IFT88: variants seen among roughly 807,000 people sequenced by gnomAD.
The protein encoded by IFT88 is intraflagellar transport protein 88 homolog.
IFT88 carries 74 observed loss-of-function variants against 119.5 expected under a neutral mutation model. That is an observed-to-expected ratio of 0.62 (90% CI 0.51 to 0.75). IFT88 has a LOEUF of 0.75. IFT88 is among the 30% of genes least tolerant of loss of function. The probability of loss-of-function intolerance (pLI) is 0.00; values close to 1 mark genes in which losing one functional copy is unlikely to be tolerated. For missense variants in IFT88, 961 were observed against 977.7 expected, an observed-to-expected ratio of 0.98 and a Z score of 0.23; for synonymous variants, 279 against 316.7, an observed-to-expected ratio of 0.88 and a Z score of 1.26.
intron 7 of IFT88, among the ~76,000 whole-genome samples, chr13:20,593,399 A>C (rs977284181): frequency 6.6e-6 from 1 of 152,038 alleles, no homozygotes; most frequent in Non-Finnish European, 1.5e-5. Context: ...AGGCTAGTAA[A>C]TGACAAGGCT....
chr13:20,689,061 G>A (rs913945358), intron 24 of IFT88, among the ~76,000 whole-genome samples: 1 of 152,156 alleles, frequency 6.6e-6, no homozygotes, highest in East Asian at 1.9e-4. Context: ...AGCCTCCTGA[G>A]TAGCTGGGAT....
chr13:20,688,024 G>A (rs1390938790), intron 24 of IFT88, among the ~76,000 whole-genome samples: 1 of 152,178 alleles, frequency 6.6e-6, no homozygotes, highest in Non-Finnish European at 1.5e-5. Flanking sequence ...GCAATACTCT[G>A]AGTAGGCCAA....
chr13:20,625,835 A>G lies in IFT88; in HGVS notation c.1285A>G (p.Lys429Glu), dbSNP rs1396877480. The change falls in exon 15 of 26, where the codon AAA becomes GAA. Residue 429 changes from lysine to glutamate, a missense_variant. Physicochemically the swap from Lys to Glu is moderately conservative, Grantham distance 56. Coordinates refer to ENST00000351808, the MANE Select transcript of IFT88 (RefSeq NM_006531.5). The part of the protein sequence containing the change: ...INKAVTYLRQ[K>E]DYNQAVEILK... Reference sequence around the variant, plus strand: ...CAAAGCAGTTACATACTTGAGACAAAAAGACTATAACCAAGTAAGTTTTAA... The same window carrying G: ...CAAAGCAGTTACATACTTGAGACAAGAAGACTATAACCAAGTAAGTTTTAA... 6.3e-7 allele frequency: 1 copy of G among 1,591,308 alleles called. No homozygotes were observed.
At chr13:20,682,118 C>T (rs992310812) in intron 24 of IFT88, among the ~76,000 whole-genome samples, 48 of 152,154 alleles carry the variant, frequency 3.2e-4, no homozygotes, top group African/African-American at 1.1e-3. Flanking sequence ...ATAATTTTTC[C>T]AGGGTCATAT....
chr13:20,607,232 C>G, intron 13 of IFT88: 1 of 402,354 alleles, frequency 2.5e-6, no homozygotes, highest in Non-Finnish European at 5.0e-6. Context: ...CGGGCCCAGT[C>G]TGCATTCGTC....
intron 18 of IFT88, 81 bp from the exon 19 acceptor site, chr13:20,643,374 T>C (rs2050253137): frequency 1.9e-6 from 2 of 1,061,574 alleles, no homozygotes; most frequent in East Asian, 2.4e-5. Context: ...CTAAGAAATA[T>C]TGTTACTGTA....
intron 9 of IFT88, among the ~76,000 whole-genome samples, chr13:20,597,838 C>A (rs2042005231): frequency 6.6e-6 from 1 of 151,450 alleles, no homozygotes. Context: ...TTGAAGAGCA[C>A]TAATTTTAAT....
In IFT88 at chr13:20,638,438, GTGATT is replaced by G; in HGVS notation, c.1494_1498del (p.Asp499Ter). 1 of 1,530,172 alleles carries G rather than the reference GTGATT, an allele frequency of 6.5e-7. No individual in the cohort carries two copies. Among genetic ancestry groups the G allele is most frequent in the Non-Finnish European group, 8.7e-7 (1 of 1,144,478 alleles). 94.8% of individuals were successfully genotyped at this position (1,530,172 alleles called of 1,614,324 possible). ...AAAGGGAATACAGTTTTTGCAAATG[GTGATT>G]ATGAGAAGGCCGCTGAATTCTATAA... On this transcript the variant is annotated frameshift_variant, in exon 17 of 26. Transcript: ENST00000351808. LOFTEE classifies it high-confidence loss of function.
chr13:20,568,407 A>G (rs2035425998), intron 1 of IFT88, among the ~76,000 whole-genome samples: 1 of 152,198 alleles, frequency 6.6e-6, no homozygotes, highest in African/African-American at 2.4e-5. Context: ...ACATCTTTTA[A>G]TATTTGTATG....
At chr13:20,677,676 C>T (rs2056845138) in intron 24 of IFT88, among the ~76,000 whole-genome samples, 1 of 152,186 alleles carries the variant, frequency 6.6e-6, no homozygotes. Context: ...CAAATACTTC[C>T]TCATACTTAA....
In IFT88 at chr13:20,638,343, T is replaced by A. The variant is rs752567355; in HGVS notation, c.1398T>A (p.Phe466Leu). ...TGTATTTTACTTAGGGAAAGGATTT[T>A]GCACAAGCCAGCAGCTATGCAGATA... Reference protein sequence around the residue: ...LSALYYMGKDFAQASSYADIA... With the variant: ...LSALYYMGKDLAQASSYADIA... The change falls in exon 17 of 26, where the codon TTT becomes TTA. Residue 466 changes from phenylalanine to leucine, a missense_variant. Phe to Leu is a conservative substitution (Grantham distance 22, BLOSUM62 0). Transcript: ENST00000351808. 7.4e-7 allele frequency: 1 copy of A among 1,349,800 alleles called. No homozygotes were observed. Among genetic ancestry groups the A allele is most frequent in the Non-Finnish European group, 9.6e-7 (1 of 1,041,176 alleles). 83.6% of individuals were successfully genotyped at this position (1,349,800 alleles called of 1,614,324 possible).
chr13:20,663,137 C>A (rs117417391), intron 22 of IFT88: 2 of 644,900 alleles, frequency 3.1e-6, no homozygotes, highest in Non-Finnish European at 4.5e-6. Flanking sequence ...ACTGTCTACA[C>A]TTTTTAGCCT....
rs116763877 is a variant in IFT88, at chr13:20,618,687, C to T, written c.1199+2808C>T. Reference sequence around the variant, plus strand: ...AGAACATCTATATTTTTTTAATGCTCTCCAGGTAGTTGTCATGTGTAATGG... The same window carrying T: ...AGAACATCTATATTTTTTTAATGCTTTCCAGGTAGTTGTCATGTGTAATGG... On this transcript the variant is annotated intron_variant, in intron 14 of 25. Coordinates refer to ENST00000351808, the MANE Select transcript of IFT88 (RefSeq NM_006531.5). 7.4e-3 allele frequency among the ~76,000 whole-genome samples: 1,121 copies of T among 152,152 alleles called. 16 individuals carry two copies. The highest frequency in any genetic ancestry group is 0.026 in the African/African-American group (1,079 of 41,504).
intron 13 of IFT88, among the ~76,000 whole-genome samples, chr13:20,614,961 G>A (rs928625121): frequency 3.3e-5 from 5 of 151,628 alleles, no homozygotes; most frequent in South Asian, 2.1e-4. Context: ...GACTACAGGC[G>A]CCTGCCGCCA....
intron 23 of IFT88, 138 bp from the exon 24 acceptor site, chr13:20,670,835 T>A: frequency 2.0e-6 from 1 of 509,196 alleles, no homozygotes; most frequent in Non-Finnish European, 3.2e-6. Flanking sequence ...TTTTTTTTTC[T>A]ATAGAATCAA....
At chr13:20,623,310 C>T (rs888393243) in intron 14 of IFT88, among the ~76,000 whole-genome samples, 2 of 152,066 alleles carry the variant, frequency 1.3e-5, no homozygotes, top group African/African-American at 2.4e-5. Flanking sequence ...CTTGAAATTG[C>T]GTATGAATTT....
intron 2 of IFT88, among the ~76,000 whole-genome samples, chr13:20,579,904 G>T (rs892657231): frequency 6.6e-6 from 1 of 152,142 alleles, no homozygotes; most frequent in Non-Finnish European, 1.5e-5. Flanking sequence ...TCCTTCAAGG[G>T]AATTTAGTAT....
intron 7 of IFT88, among the ~76,000 whole-genome samples, chr13:20,594,810 G>C (rs1041918000): frequency 6.6e-6 from 1 of 152,206 alleles, no homozygotes. Flanking sequence ...TGTAGTCTTA[G>C]TCCCAGGTTT....
chr13:20,630,225 C>T (rs1453190673), intron 15 of IFT88, among the ~76,000 whole-genome samples: 1 of 152,100 alleles, frequency 6.6e-6, no homozygotes, highest in African/African-American at 2.4e-5. Flanking sequence ...GTGTTCTTTT[C>T]TAGGAACATT....
Sources: allele counts gnomAD v4.1 joint callset (sites outside exome capture counted in the v4.1 genomes callset), GRCh38; gene constraint gnomAD v4.1.1; transcripts MANE v1.5; gene names NCBI Gene and HGNC (gene_info 2026-07-23, HGNC 2026-07-21).